Variants in GPR4 observed in about 807,000 individuals in gnomAD.
GPR4 encodes G protein-coupled receptor 4, also known as G-prodeshotein coupled receptor 4.
Under a neutral mutation model 17.8 loss-of-function variants are expected in GPR4, and 11 were observed. The observed-to-expected ratio is 0.62, with a 90% CI of 0.39 to 1.02. The LOEUF is 1.02. GPR4 is among the 50% of genes least tolerant of loss of function. The pLI is 0.00. For missense variants in GPR4, 364 were observed against 495.4 expected (o/e 0.73, Z 2.52); for synonymous variants, 219 against 222.8 (o/e 0.98, Z 0.15).
In GPR4 at chr19:45,591,627, G is replaced by A; in HGVS notation, c.240C>T (p.His80=). Residue 80 remains histidine, a synonymous_variant, in exon 2 of 2, where the codon CAC becomes CAT. Coordinates refer to ENST00000323040, the MANE Select transcript of GPR4 (RefSeq NM_005282.3). This position sits in a 1 kb window ranked among gnomAD's most constrained non-coding sequence, Gnocchi z 7.6. ...LPLWVDYFLH[H]DNWIHGPGSC... is the part of the protein sequence containing the mutation. ...ACCCGGGGCCGTGGATCCAGTTGTC[G>A]TGGTGCAGGAAGTAGTCCACCCACA... 1 of 1,614,134 alleles carries A rather than the reference G, an allele frequency of 6.2e-7. No homozygotes were observed.
rs1409302412 is a variant in GPR4, at chr19:45,591,467, C to A, written c.400G>T (p.Ala134Ser). 6.2e-7 allele frequency: 1 copy of A among 1,609,460 alleles called. No homozygotes were observed. Among genetic ancestry groups the A allele is most frequent in the Admixed American group, 1.7e-5 (1 of 58,222 alleles). ...CAGACCACGGAGCTCACGGCCACGGCGGTCTTGACGCGGCGCAGGCGGGCG... is the reference window on the plus strand; with the variant it reads ...CAGACCACGGAGCTCACGGCCACGGAGGTCTTGACGCGGCGCAGGCGGGCG... ...RFARLRRVKT[A>S]VAVSSVVWAT... The change falls in exon 2 of 2, where the codon GCC becomes TCC. Residue 134 changes from alanine (A) to serine (S), a missense_variant. Physicochemically the swap from Ala to Ser is moderately conservative, Grantham distance 99 (BLOSUM62 1). This residue lies in a region of GPR4 where 271 missense variants were observed against 373.1 expected (regional missense o/e 0.73). Transcript: ENST00000323040. The surrounding 1 kb of genome is among the most constrained non-coding windows in gnomAD (Gnocchi z 7.6).
At chr19:45,601,939 A>T (rs1415598139) in intron 1 of GPR4, among the ~76,000 whole-genome samples, 156 bp downstream of exon 1, 1 of 152,142 alleles carries the variant, frequency 6.6e-6, no homozygotes, top group Non-Finnish European at 1.5e-5. Context: ...AGACAGACGC[A>T]AAGCCAGGGA....
chr19:45,589,770 A>C lies in GPR4; in HGVS notation c.*1008T>G, dbSNP rs543918761. The C allele has an allele frequency of 6.6e-6, 1 of 152,368 alleles. No homozygotes were observed. The highest frequency in any genetic ancestry group is 2.1e-4 in the South Asian group (1 of 4,834). 9.4% of individuals were successfully genotyped at this position (152,368 alleles called of 1,614,324 possible). Reference sequence around the variant, plus strand: ...GAAAAATGTCCCCTTCCCATTTAGCAATTCCAAACATTACATATTTTTTAT... The same window carrying C: ...GAAAAATGTCCCCTTCCCATTTAGCCATTCCAAACATTACATATTTTTTAT... On this transcript the variant is annotated 3_prime_UTR_variant, in exon 2 of 2. Transcript: ENST00000323040.
rs10416789 is a variant in GPR4 at position 45,599,433 on chromosome 19, C to A, written c.-832+2662G>T. On this transcript the variant is annotated intron_variant, in intron 1 of 1. Transcript: ENST00000323040. ...TGGGCTCCTGCTCCCACCACCCCCC[C>A]CTCCCCGCCTTCTCCCTGCAGCCCC... 3.1e-4 allele frequency among the ~76,000 whole-genome samples: 47 copies of A among 151,820 alleles called. No individual in the cohort carries two copies. The East Asian group carries it at 3.5e-3, about 11-fold the overall frequency.
At chr19:45,600,029 T>C (rs972921082) in intron 1 of GPR4, among the ~76,000 whole-genome samples, 2 of 152,182 alleles carry the variant, frequency 1.3e-5, no homozygotes, top group African/African-American at 2.4e-5. Flanking sequence ...TGAGCCCCAC[T>C]TCCTTTTCTT....
intron 1 of GPR4, among the ~76,000 whole-genome samples, chr19:45,595,903 A>G (rs1397963540): frequency 6.6e-6 from 1 of 152,188 alleles, no homozygotes; most frequent in Non-Finnish European, 1.5e-5. Context: ...TTTAAGGTGG[A>G]GTCTATTGAC....
Position 45,591,869 on chromosome 19 carries a change from TG to T in GPR4, c.-4del. 1 of 1,547,098 alleles carries T rather than the reference TG, an allele frequency of 6.5e-7. No individual in the cohort carries two copies. Among genetic ancestry groups the T allele is most frequent in the Non-Finnish European group, 8.7e-7 (1 of 1,143,490 alleles). ...CCCTCCCACGTGTGGTTGCCCATGG[TG>T]GGCACTTCGGCTTCTGGGGCGCTTC... On this transcript the variant is annotated 5_prime_UTR_variant, in exon 2 of 2. Coordinates refer to ENST00000323040, the MANE Select transcript of GPR4 (RefSeq NM_005282.3). The surrounding 1 kb of genome is among the most constrained non-coding windows in gnomAD (Gnocchi z 7.6).
intron 1 of GPR4, among the ~76,000 whole-genome samples, chr19:45,593,685 G>A (rs1469890520): frequency 6.6e-6 from 1 of 151,894 alleles, no homozygotes; most frequent in Non-Finnish European, 1.5e-5. Flanking sequence ...CAGACAGGGA[G>A]AAGGGGCCCA....
intron 1 of GPR4, among the ~76,000 whole-genome samples, chr19:45,593,391 C>G (rs1970018715): frequency 1.3e-5 from 2 of 150,464 alleles, no homozygotes. Context: ...CCCAGCTACA[C>G]AGGAGGCTGA....
At chr19:45,600,335 C>T (rs1600027006) in intron 1 of GPR4, among the ~76,000 whole-genome samples, 1 of 152,238 alleles carries the variant, frequency 6.6e-6, no homozygotes, top group East Asian at 1.9e-4. Context: ...GGGCTCCAGG[C>T]GGAGGGTCAG....
At chr19:45,597,217 C>T (rs967013877) in intron 1 of GPR4, among the ~76,000 whole-genome samples, 1 of 152,068 alleles carries the variant, frequency 6.6e-6, no homozygotes, top group African/African-American at 2.4e-5. Flanking sequence ...TACAGGTGTG[C>T]ACCACCATGC....
In GPR4 at chr19:45,590,874, C is replaced by G; in HGVS notation, c.993G>C (p.Arg331Ser). 1 of 1,614,090 alleles carries G rather than the reference C, an allele frequency of 6.2e-7. No homozygotes were observed. The highest frequency in any genetic ancestry group is 8.5e-7 in the Non-Finnish European group (1 of 1,179,994). Residue 331 changes from arginine to serine, a missense_variant, in exon 2 of 2, where the codon AGG becomes AGC. This residue lies in a region of GPR4 where 92 missense variants were observed against 106.0 expected (regional missense o/e 0.87). Transcript: ENST00000323040. Reference sequence around the variant, plus strand: ...CAGTCATGGCTTTGGCTGTGCTGTTCCTCTTGGAGGTGAGTGGGGTCTCCA... The same window carrying G: ...CAGTCATGGCTTTGGCTGTGCTGTTGCTCTTGGAGGTGAGTGGGGTCTCCA... ...LTLETPLTSK[R>S]NSTAKAMTGS...
chr19:45,598,086 C>A (rs768348396), intron 1 of GPR4, among the ~76,000 whole-genome samples: 2 of 152,016 alleles, frequency 1.3e-5, no homozygotes, highest in Non-Finnish European at 2.9e-5. Flanking sequence ...TGCCCTCTCT[C>A]TCCCCATCTC....
At position 45,591,691 on chromosome 19, in the gene GPR4, A is replaced by G. The variant is rs763926050; in HGVS notation, c.176T>C (p.Leu59Pro). 2 of 1,613,970 alleles carry G rather than the reference A, an allele frequency of 1.2e-6. No individual in the cohort carries two copies. Among genetic ancestry groups the G allele is most frequent in the Non-Finnish European group, 1.7e-6 (2 of 1,179,866 alleles). Reference protein sequence around the residue: ...RNELGVYLMNLSIADLLYICT... With the variant: ...RNELGVYLMNPSIADLLYICT... ...GATGTACAGCAGGTCGGCGATGCTG[A>G]GGTTCATCAGGTAGACGCCCAGCTC... The change falls in exon 2 of 2, where the codon CTC becomes CCC. Residue 59 changes from leucine to proline, a missense_variant. Transcript: ENST00000323040. The surrounding 1 kb of genome is among the most constrained non-coding windows in gnomAD (Gnocchi z 7.6).
intron 1 of GPR4, among the ~76,000 whole-genome samples, chr19:45,595,778 T>A (rs1270478590): frequency 3.3e-5 from 5 of 151,110 alleles, no homozygotes; most frequent in Non-Finnish European, 7.4e-5. Flanking sequence ...CAGAAACCAA[T>A]CTAAAACAGT....
rs1251381566 is a variant in GPR4 at position 45,594,077 on chromosome 19, T to A, written c.-831-1380A>T. ...AAAAAAAAAAAAATATATATATATA[T>A]ATATATATATATATATAAAATAGAT... On this transcript the variant is annotated intron_variant, in intron 1 of 1. Transcript: ENST00000323040. Among the ~76,000 whole-genome samples, 330 of 90,386 alleles carry A rather than the reference T, an allele frequency of 3.7e-3. 9 individuals carry two copies. Among genetic ancestry groups the A allele is most frequent in the African/African-American group, 0.018 (315 of 17,330 alleles). The allele number at this position is 90,386 out of a possible 152,430, so 59.3% of individuals were successfully genotyped here.
rs1244496107 is a variant in GPR4, at chr19:45,590,495, G to A, written c.*283C>T. The stretch of plus-strand genomic sequence containing the variant: ...GTGGAGGCTGCAGTGAGCCACGACT[G>A]CACTACTGCACTCCAGCCTGGGCAA... On this transcript the variant is annotated 3_prime_UTR_variant, in exon 2 of 2. Transcript: ENST00000323040. The A allele has an allele frequency of 4.2e-5, 15 of 360,828 alleles. No individual in the cohort carries two copies. Among genetic ancestry groups the A allele is most frequent in the Non-Finnish European group, 5.0e-6 (1 of 199,388 alleles). The allele number at this position is 360,828 out of a possible 1,614,324, so 22.4% of individuals were successfully genotyped here. A position where few individuals can be genotyped will look rare whatever the true frequency, so the allele number is the denominator to read the frequency against.
In GPR4 at chr19:45,597,457, T is replaced by G. The variant is rs540305468; in HGVS notation, c.-832+4638A>C. ...CCGACTCTCCCCTGCCCCAGGACCC[T>G]CTCCTCACATCACCCTGTTTTGTTT... On this transcript the variant is annotated intron_variant, in intron 1 of 1. Coordinates refer to ENST00000323040, the MANE Select transcript of GPR4 (RefSeq NM_005282.3). 9.9e-5 allele frequency among the ~76,000 whole-genome samples: 15 copies of G among 152,216 alleles called. No individual in the cohort carries two copies. The East Asian group carries it at 2.7e-3, about 27-fold the overall frequency.
rs1427516626 is a variant in GPR4 at position 45,591,794 on chromosome 19, TGTAGAG to T, written c.67_72del (p.Leu23_Tyr24del). On this transcript the variant is annotated inframe_deletion, in exon 2 of 2. Coordinates refer to ENST00000323040, the MANE Select transcript of GPR4 (RefSeq NM_005282.3). The surrounding 1 kb of genome is among the most constrained non-coding windows in gnomAD (Gnocchi z 7.6). Reference sequence around the variant, plus strand: ...GGCAGCCCCACGCCGATGACAAAGATGTAGAGGGATGGCGGAAAGAGGTGGTCCACG... The same window carrying T: ...GGCAGCCCCACGCCGATGACAAAGATGGATGGCGGAAAGAGGTGGTCCACG... 2.5e-6 allele frequency: 4 copies of T among 1,609,336 alleles called. No homozygotes were observed. Among genetic ancestry groups the T allele is most frequent in the Middle Eastern group, 1.6e-4 (1 of 6,072 alleles).
Sources: gnomAD v4.1 joint callset for allele counts (sites outside exome capture counted in the v4.1 genomes callset) on GRCh38, gnomAD v4.1.1 for gene constraint, gnomAD v4.1.1 regional missense constraint, Gnocchi (gnomAD v3.1) non-coding constraint, MANE v1.5 for transcripts, NCBI Gene and HGNC (gene_info 2026-07-23, HGNC 2026-07-21) for gene names.